NRXN3: variants seen among roughly 807,000 people sequenced by gnomAD.
NRXN3 encodes the protein neurexin III.
In NRXN3, 32 loss-of-function variants were observed where a neutral mutation model predicts 137.6. That is an observed-to-expected ratio of 0.23 (90% CI 0.18 to 0.31). The LOEUF is 0.31. NRXN3 is among the 10% of genes least tolerant of loss of function. The probability of loss-of-function intolerance (pLI) is 1.00; values close to 1 mark genes in which losing one functional copy is unlikely to be tolerated. For missense variants in NRXN3, 1,574 were observed against 2,062.5 expected (o/e 0.76, Z 4.59); for synonymous variants, 798 against 784.5 (o/e 1.02, Z -0.29).
chr14:78,654,771 C>T (rs980120150), intron 6 of NRXN3, among the ~76,000 whole-genome samples: 1 of 152,322 alleles, frequency 6.6e-6, no homozygotes, highest in East Asian at 1.9e-4. Flanking sequence ...GTATCCCCAG[C>T]TCCTAGAATG....
intron 15 of NRXN3, among the ~76,000 whole-genome samples, chr14:79,237,325 T>C (rs1201533544): frequency 6.6e-6 from 1 of 152,116 alleles, no homozygotes; most frequent in Non-Finnish European, 1.5e-5. Context: ...CATTTAAGAT[T>C]AAAATGAGCA....
At chr14:79,349,642 T>G (rs2093104883) in intron 15 of NRXN3, among the ~76,000 whole-genome samples, 1 of 151,234 alleles carries the variant, frequency 6.6e-6, no homozygotes, top group Non-Finnish European at 1.5e-5. Flanking sequence ...CTAAAAACCT[T>G]AAAACCTCTA....
intron 20 of NRXN3, among the ~76,000 whole-genome samples, chr14:79,817,790 T>G (rs2099256348): frequency 1.3e-5 from 2 of 152,292 alleles, no homozygotes; most frequent in South Asian, 2.1e-4. Context: ...AAAGAAAGTC[T>G]GTGTATTGAA....
chr14:79,790,006 C>T (rs938121519), intron 19 of NRXN3, among the ~76,000 whole-genome samples: 19 of 152,176 alleles, frequency 1.2e-4, no homozygotes, highest in African/African-American at 4.1e-4. Flanking sequence ...AGGAAGGCAG[C>T]AGAGGGAGGA....
intron 6 of NRXN3, among the ~76,000 whole-genome samples, chr14:78,677,987 C>A (rs1052124471): frequency 6.6e-5 from 10 of 152,118 alleles, no homozygotes; most frequent in African/African-American, 2.4e-4. Context: ...TGCTATTACA[C>A]ACTTAATAGG....
At chr14:79,339,483 A>C (rs1446968537) in intron 15 of NRXN3, among the ~76,000 whole-genome samples, 1 of 152,256 alleles carries the variant, frequency 6.6e-6, no homozygotes, top group African/African-American at 2.4e-5. Flanking sequence ...AACCACACTT[A>C]GAGAAACACC....
intron 8 of NRXN3, among the ~76,000 whole-genome samples, chr14:78,787,686 A>G (rs1447462730): frequency 1.3e-5 from 2 of 152,222 alleles, no homozygotes; most frequent in African/African-American, 4.8e-5. Flanking sequence ...TTTGAGCAAA[A>G]CAAGCAAGAA....
At chr14:79,422,994 G>A (rs1200033450) in intron 15 of NRXN3, among the ~76,000 whole-genome samples, 2 of 152,008 alleles carry the variant, frequency 1.3e-5, no homozygotes, top group Non-Finnish European at 1.5e-5. Flanking sequence ...CACCGCGCCC[G>A]GCCTAGTCAC....
At chr14:78,886,420 C>T (rs2099143943) in intron 10 of NRXN3, among the ~76,000 whole-genome samples, 1 of 151,988 alleles carries the variant, frequency 6.6e-6, no homozygotes, top group African/African-American at 2.4e-5. Context: ...CAATAAATAT[C>T]ATGAGTGATC....
At chr14:78,571,415 C>T (rs117300060) in intron 4 of NRXN3, among the ~76,000 whole-genome samples, 9 of 152,120 alleles carry the variant, frequency 5.9e-5, no homozygotes, top group East Asian at 3.9e-4. Context: ...TGGTTTTGGG[C>T]GCAGCTTTAG....
At chr14:78,275,130 C>CT (rs2153494057) in intron 2 of NRXN3, among the ~76,000 whole-genome samples, 1 of 152,340 alleles carries the variant, frequency 6.6e-6, no homozygotes, top group East Asian at 1.9e-4. Context: ...AGAAAGACCT[C>CT]TTTAACTACC....
intron 4 of NRXN3, among the ~76,000 whole-genome samples, chr14:78,388,835 T>G (rs1003529214): frequency 6.6e-6 from 1 of 152,140 alleles, no homozygotes; most frequent in Non-Finnish European, 1.5e-5. Context: ...TTTTGGAGAA[T>G]TTAACTTTAA....
intron 4 of NRXN3, among the ~76,000 whole-genome samples, chr14:78,487,147 T>C (rs2095574171): frequency 6.6e-6 from 1 of 152,178 alleles, no homozygotes; most frequent in Non-Finnish European, 1.5e-5. Context: ...ATTTTTTTAC[T>C]CATTAAAGTG....
At chr14:78,505,494 A>G (rs1261419736) in intron 4 of NRXN3, among the ~76,000 whole-genome samples, 3 of 152,138 alleles carry the variant, frequency 2.0e-5, no homozygotes, top group Non-Finnish European at 4.4e-5. Flanking sequence ...GGGACTCCTG[A>G]TAATAATGTA....
intron 15 of NRXN3, among the ~76,000 whole-genome samples, chr14:79,164,496 G>A (rs1487985474): frequency 2.6e-5 from 4 of 151,942 alleles, no homozygotes; most frequent in East Asian, 3.9e-4. Context: ...ATGGACTATG[G>A]CCATTGCAGA....
At chr14:79,053,622 C>A (rs1178383312) in intron 15 of NRXN3, among the ~76,000 whole-genome samples, 2 of 46,146 alleles carry the variant, frequency 4.3e-5, no homozygotes, top group Non-Finnish European at 1.0e-4. Flanking sequence ...GTGCTGTATG[C>A]CGTGTGTGTG....
rs569956060 is a variant in NRXN3 at position 78,877,565 on chromosome 14, C to G, written c.2275+67221C>G. ...AAGGAAGTGTCTACATCTCATTGAC[C>G]TCATTGTCCCACACAGTGCATAACA... On this transcript the variant is annotated intron_variant, in intron 10 of 20. Coordinates refer to ENST00000335750, the MANE Select transcript of NRXN3 (RefSeq NM_001330195.2). Among the ~76,000 whole-genome samples, 356 of 152,274 alleles carry G rather than the reference C, an allele frequency of 2.3e-3. 2 individuals carry two copies. The highest frequency in any genetic ancestry group is 4.2e-3 in the Non-Finnish European group (287 of 68,004).
At chr14:79,852,720 A>C (rs895486048) in intron 20 of NRXN3, among the ~76,000 whole-genome samples, 1 of 152,090 alleles carries the variant, frequency 6.6e-6, no homozygotes, top group African/African-American at 2.4e-5. Flanking sequence ...AGCAAAAAAA[A>C]CGTGTCCCCT....
intron 8 of NRXN3, among the ~76,000 whole-genome samples, chr14:78,752,035 A>G (rs544236639): frequency 6.6e-6 from 1 of 152,318 alleles, no homozygotes; most frequent in East Asian, 1.9e-4. Context: ...GAAGTCACCA[A>G]TGGCAAGTGT....
Sources: gnomAD v4.1 joint callset for allele counts (sites outside exome capture counted in the v4.1 genomes callset) on GRCh38, gnomAD v4.1.1 for gene constraint, MANE v1.5 for transcripts, NCBI Gene and HGNC (gene_info 2026-07-23, HGNC 2026-07-21) for gene names.